The following RABGAP1L variants were observed in gnomAD, a reference collection of about 807,000 sequenced individuals.
The protein encoded by RABGAP1L is RAB GTPase activating protein 1 like, also known as rab GTPase-activating protein 1-like.
Under a neutral mutation model 137.7 loss-of-function variants are expected in RABGAP1L, and 63 were observed. The ratio of observed to expected loss-of-function variants is 0.46; its 90% CI spans 0.37 to 0.56. The LOEUF (loss-of-function observed/expected upper bound fraction) is 0.56. RABGAP1L is among the 20% of genes least tolerant of loss of function. The pLI is 0.00. For missense variants in RABGAP1L, 1,095 were observed against 1,244.0 expected (o/e 0.88, Z 1.80); for synonymous variants, 431 against 433.7 (o/e 0.99, Z 0.08).
At chr1:174,703,180 G>A (rs1279068789) in intron 17 of RABGAP1L, among the ~76,000 whole-genome samples, 2 of 152,112 alleles carry the variant, frequency 1.3e-5, no homozygotes, top group Non-Finnish European at 2.9e-5. Flanking sequence ...GATATATTGT[G>A]TAGTGGTTAA....
intron 14 of RABGAP1L, among the ~76,000 whole-genome samples, chr1:174,651,776 TG>T (rs1439519127): frequency 6.6e-6 from 1 of 152,234 alleles, no homozygotes; most frequent in African/African-American, 2.4e-5. Context: ...TGATAGGTCT[TG>T]ACTCTTTATC....
intron 15 of RABGAP1L, among the ~76,000 whole-genome samples, chr1:174,694,486 G>T (rs1375358647): frequency 6.6e-6 from 1 of 151,858 alleles, no homozygotes; most frequent in Admixed American, 6.6e-5. Context: ...TACTGAGAAT[G>T]ATGATTTCCA....
At chr1:174,849,082 C>T (rs538981666) in intron 19 of RABGAP1L, among the ~76,000 whole-genome samples, 250 of 152,324 alleles carry the variant, frequency 1.6e-3, no homozygotes, top group African/African-American at 5.8e-3. Context: ...CGCCCTGCTT[C>T]GGCTCGCGCA....
intron 7 of RABGAP1L, 120 bp from the exon 8 acceptor site, chr1:174,272,294 A>G: frequency 9.7e-7 from 1 of 1,026,378 alleles, no homozygotes; most frequent in Non-Finnish European, 1.3e-6. Context: ...TAGAAAAAAA[A>G]CTAAAGCTTA....
At chr1:174,741,617 C>G (rs1683412671) in intron 17 of RABGAP1L, among the ~76,000 whole-genome samples, 1 of 152,048 alleles carries the variant, frequency 6.6e-6, no homozygotes, top group Non-Finnish European at 1.5e-5. Context: ...CTGCCTCAGC[C>G]TTCCAAAGTG....
At chr1:174,824,807 TA>T (rs1221300526) in intron 19 of RABGAP1L, among the ~76,000 whole-genome samples, 1 of 151,708 alleles carries the variant, frequency 6.6e-6, no homozygotes, top group South Asian at 2.1e-4. Flanking sequence ...CTACTGTTCC[TA>T]AAAAAAAATT....
intron 1 of RABGAP1L, among the ~76,000 whole-genome samples, chr1:174,190,768 G>C (rs1370429064): frequency 2.6e-5 from 4 of 152,222 alleles, no homozygotes; most frequent in African/African-American, 7.2e-5. Flanking sequence ...CTTTTGGCCT[G>C]TCTCCGCATT....
chr1:174,255,804 G>A (rs1673075016), intron 7 of RABGAP1L, among the ~76,000 whole-genome samples: 1 of 152,184 alleles, frequency 6.6e-6, no homozygotes, highest in Non-Finnish European at 1.5e-5. Context: ...GGGATTACAG[G>A]CATAAGCCAC....
At chr1:174,914,209 G>C (rs752916532) in intron 19 of RABGAP1L, among the ~76,000 whole-genome samples, 25 of 152,212 alleles carry the variant, frequency 1.6e-4, no homozygotes, top group Non-Finnish European at 2.9e-4. Flanking sequence ...TCCAAGGCCA[G>C]TAGGGTGCCT....
At chr1:174,698,137 T>A (rs1245631801) in intron 15 of RABGAP1L, among the ~76,000 whole-genome samples, 1 of 152,212 alleles carries the variant, frequency 6.6e-6, no homozygotes, top group Non-Finnish European at 1.5e-5. Flanking sequence ...ATCAACCAAA[T>A]GTAAATTTTC....
At chr1:174,770,359 A>G (rs1686019990) in intron 18 of RABGAP1L, among the ~76,000 whole-genome samples, 1 of 152,242 alleles carries the variant, frequency 6.6e-6, no homozygotes, top group Non-Finnish European at 1.5e-5. Flanking sequence ...AGTTTCAGAA[A>G]TAATACATTT....
At chr1:174,851,195 G>T (rs1648267345) in intron 19 of RABGAP1L, among the ~76,000 whole-genome samples, 1 of 152,168 alleles carries the variant, frequency 6.6e-6, no homozygotes, top group Admixed American at 6.5e-5. Context: ...TGTTATATAG[G>T]AGTAGAAACT....
At chr1:174,839,066 TG>T (rs1693110852) in intron 19 of RABGAP1L, among the ~76,000 whole-genome samples, 1 of 110,624 alleles carries the variant, frequency 9.0e-6, no homozygotes, top group African/African-American at 3.2e-5. Context: ...TTGGTAGGGG[TG>T]GGGGTAGATA....
At chr1:174,303,125 A>G (rs1481012482) in intron 10 of RABGAP1L, among the ~76,000 whole-genome samples, 2 of 151,928 alleles carry the variant, frequency 1.3e-5, no homozygotes, top group East Asian at 1.9e-4. Flanking sequence ...CTGCTTGGAC[A>G]TGTATTTTTT....
intron 20 of RABGAP1L, among the ~76,000 whole-genome samples, chr1:174,964,437 C>T (rs1051285258): frequency 2.0e-5 from 3 of 152,156 alleles, no homozygotes; most frequent in Non-Finnish European, 4.4e-5. Context: ...AAATAAATGA[C>T]GTTCACAATC....
At chr1:174,429,844 A>T (rs555828354) in intron 13 of RABGAP1L, among the ~76,000 whole-genome samples, 1 of 152,296 alleles carries the variant, frequency 6.6e-6, no homozygotes, top group South Asian at 2.1e-4. Flanking sequence ...ATGGAGAGAC[A>T]TGCATAGGGG....
intron 15 of RABGAP1L, among the ~76,000 whole-genome samples, chr1:174,690,829 CTTTT>C (rs572724291): frequency 2.6e-5 from 3 of 116,932 alleles, no homozygotes; most frequent in African/African-American, 3.2e-5. Flanking sequence ...CAGCATTCAT[CTTTT>C]TTTTTTTTTT....
rs548537119 is a variant in RABGAP1L, at chr1:174,830,414, T to A, written c.2340+18454T>A. Among the ~76,000 whole-genome samples the A allele has an allele frequency of 1.8e-4, 26 of 148,564 alleles. 3 individuals carry two copies. The highest frequency in any genetic ancestry group is 6.4e-4 in the African/African-American group (26 of 40,850). ...TTTAATTTAATCTATTTATTTTTAT[T>A]TATAATGTGATTTAATAATTTCCTT... On this transcript the variant is annotated intron_variant, in intron 19 of 25. Transcript: ENST00000681986.
rs115054709 is a variant in RABGAP1L, at chr1:174,872,152, T to C, written c.2340+60192T>C. The stretch of plus-strand genomic sequence containing the variant: ...TTTTTTAGTTTAATGCTAGGTTTTT[T>C]TTTTCTTTTTTTGAACAATCTGTTT... On this transcript the variant is annotated intron_variant, in intron 19 of 25. Transcript: ENST00000681986. Among the ~76,000 whole-genome samples the C allele has an allele frequency of 9.0e-3, 1,374 of 152,208 alleles. 26 individuals carry two copies. Among genetic ancestry groups the C allele is most frequent in the African/African-American group, 0.032 (1,325 of 41,556 alleles).
Sources: allele counts gnomAD v4.1 joint callset (sites outside exome capture counted in the v4.1 genomes callset), GRCh38; gene constraint gnomAD v4.1.1; transcripts MANE v1.5; gene names NCBI Gene and HGNC (gene_info 2026-07-23, HGNC 2026-07-21).